The following PALM2AKAP2 variants were observed in gnomAD, a reference collection of about 807,000 sequenced individuals.
PALM2AKAP2 encodes the protein PALM2 and AKAP2 fusion, also known as PALM2-AKAP2 fusion protein.
Under a neutral mutation model 71.5 loss-of-function variants are expected in PALM2AKAP2, and 37 were observed. The observed-to-expected ratio is 0.52, with a 90% confidence interval of 0.40 to 0.68. The LOEUF (loss-of-function observed/expected upper bound fraction) is 0.68, where lower values mean the gene tolerates loss of function less well. Among genes scored for constraint, PALM2AKAP2 ranks in the 30% least tolerant of loss-of-function variants. PALM2AKAP2 has a pLI of 0.00. For missense variants in PALM2AKAP2, 1,224 were observed against 1,191.8 expected, an observed-to-expected ratio of 1.03 and a Z score of -0.40; for synonymous variants, 468 against 478.8, an observed-to-expected ratio of 0.98 and a Z score of 0.29.
At chr9:109,855,885 T>C (rs10816899) in intron 1 of PALM2AKAP2, among the ~76,000 whole-genome samples, 26,034 of 151,984 alleles carry the variant, frequency 0.17, 2,377 homozygotes, top group South Asian at 0.23. Flanking sequence ...GGTAGAAAAT[T>C]ATCATTTTTT....
At chr9:110,023,695 A>G (rs1418560298) in intron 7 of PALM2AKAP2, among the ~76,000 whole-genome samples, 1 of 151,822 alleles carries the variant, frequency 6.6e-6, no homozygotes, top group Non-Finnish European at 1.5e-5. Context: ...ACTCACATCA[A>G]TAACCATAGA....
intron 6 of PALM2AKAP2, chr9:109,944,038 A>G (rs1248091906): frequency 2.0e-5 from 3 of 152,804 alleles, no homozygotes; most frequent in African/African-American, 7.2e-5. Flanking sequence ...AATGAAGTCA[A>G]TGTAGAAGAA....
intron 1 of PALM2AKAP2, among the ~76,000 whole-genome samples, chr9:109,850,221 C>G (rs1468842613): frequency 6.6e-6 from 1 of 152,180 alleles, no homozygotes; most frequent in Non-Finnish European, 1.5e-5. Flanking sequence ...TTTTTCTCAG[C>G]TCTCACCAGG....
In PALM2AKAP2 at chr9:110,077,384, C is replaced by T. The variant is rs74494502; in HGVS notation, c.156+28529C>T. Among the ~76,000 whole-genome samples the T allele has an allele frequency of 8.0e-3, 1,212 of 152,284 alleles. 10 individuals are homozygous for T. Among genetic ancestry groups the T allele is most frequent in the Non-Finnish European group, 0.014 (934 of 68,014 alleles). The stretch of plus-strand genomic sequence containing the variant: ...ATAGTACATTCATTTCGAGGTTGTA[C>T]ATTGACAGTGAGCAAAACACTTTAA... On this transcript the variant is annotated intron_variant, in intron 1 of 3. Transcript: ENST00000374525.
At chr9:109,906,783 C>T (rs577081551) in intron 3 of PALM2AKAP2, among the ~76,000 whole-genome samples, 1 of 152,284 alleles carries the variant, frequency 6.6e-6, no homozygotes, top group South Asian at 2.1e-4. Flanking sequence ...ATAGCCAATC[C>T]TATCACTGAC....
At chr9:109,744,040 G>T (rs551172754) in intron 1 of PALM2AKAP2, among the ~76,000 whole-genome samples, 4 of 152,294 alleles carry the variant, frequency 2.6e-5, no homozygotes, top group African/African-American at 9.6e-5. Flanking sequence ...ATGAAAATGT[G>T]AAATGGATAA....
intron 1 of PALM2AKAP2, among the ~76,000 whole-genome samples, chr9:110,055,035 C>T (rs895923065): frequency 3.3e-5 from 5 of 152,160 alleles, no homozygotes; most frequent in Admixed American, 2.0e-4. Flanking sequence ...CATTCTCACC[C>T]CTGAAGCACT....
At chr9:109,955,789 T>A (rs1831735039) in intron 6 of PALM2AKAP2, among the ~76,000 whole-genome samples, 1 of 151,834 alleles carries the variant, frequency 6.6e-6, no homozygotes, top group Non-Finnish European at 1.5e-5. Flanking sequence ...ACAACAAAAT[T>A]AGCTGGGTGT....
At chr9:110,012,333 T>C (rs1832899382) in intron 6 of PALM2AKAP2, among the ~76,000 whole-genome samples, 1 of 152,180 alleles carries the variant, frequency 6.6e-6, no homozygotes, top group African/African-American at 2.4e-5. Flanking sequence ...AGTATTTTTT[T>C]ATTACCCCCT....
At chr9:110,098,043 C>T (rs1179672101) in intron 1 of PALM2AKAP2, among the ~76,000 whole-genome samples, 11 of 141,138 alleles carry the variant, frequency 7.8e-5, no homozygotes, top group African/African-American at 3.0e-4. Flanking sequence ...TGCCTGCAAT[C>T]GCAGGCACTC....
At chr9:109,781,449 A>C (rs1188389358) in intron 1 of PALM2AKAP2, among the ~76,000 whole-genome samples, 1 of 152,262 alleles carries the variant, frequency 6.6e-6, no homozygotes, top group African/African-American at 2.4e-5. Flanking sequence ...ATCTCCAGAC[A>C]TTCTTCCACC....
chr9:109,868,552 G>C (rs772677371), intron 2 of PALM2AKAP2, among the ~76,000 whole-genome samples: 9 of 152,128 alleles, frequency 5.9e-5, no homozygotes, highest in Non-Finnish European at 1.2e-4. Flanking sequence ...TTTTCAACAA[G>C]ATAAACCTTT....
chr9:110,050,025 G>A (rs1350022141), intron 1 of PALM2AKAP2, among the ~76,000 whole-genome samples: 2 of 152,248 alleles, frequency 1.3e-5, no homozygotes, highest in Admixed American at 6.5e-5. Flanking sequence ...GGTAGCATGG[G>A]TTTGGCTCTG....
At chr9:109,990,055 TTTTC>T (rs1427698092) in intron 6 of PALM2AKAP2, among the ~76,000 whole-genome samples, 7 of 149,946 alleles carry the variant, frequency 4.7e-5, no homozygotes, top group South Asian at 4.2e-4. Context: ...CTGTTTTCTT[TTTTC>T]TTTCTTTCTT....
At chr9:109,987,820 T>A (rs115269130) in intron 6 of PALM2AKAP2, among the ~76,000 whole-genome samples, 1 of 152,314 alleles carries the variant, frequency 6.6e-6, no homozygotes, top group African/African-American at 2.4e-5. Flanking sequence ...TGCCACAGCA[T>A]AAACATCACC....
intron 1 of PALM2AKAP2, among the ~76,000 whole-genome samples, chr9:109,666,089 C>T (rs1449287041): frequency 6.6e-6 from 1 of 152,228 alleles, no homozygotes; most frequent in African/African-American, 2.4e-5. Flanking sequence ...TCCAGGTAGT[C>T]TGTCATGGCT....
At chr9:109,953,740 C>T (rs1400458216) in intron 6 of PALM2AKAP2, among the ~76,000 whole-genome samples, 7 of 147,822 alleles carry the variant, frequency 4.7e-5, no homozygotes, top group Non-Finnish European at 1.0e-4. Flanking sequence ...GAGGCTGAGG[C>T]CGGAGAATTG....
chr9:109,750,757 T>C (rs1275466769), intron 1 of PALM2AKAP2, among the ~76,000 whole-genome samples: 3 of 152,178 alleles, frequency 2.0e-5, no homozygotes, highest in Admixed American at 6.5e-5. Context: ...ATTGTTACCA[T>C]GAAGAAATTT....
intron 4 of PALM2AKAP2, 131 bp from the exon 5 acceptor site, chr9:109,924,930 C>A: frequency 2.3e-6 from 3 of 1,300,110 alleles, no homozygotes; most frequent in Non-Finnish European, 3.2e-6. Context: ...GAGATCGTTG[C>A]GTTTCCCCAG....
Sources: gnomAD v4.1 joint callset for allele counts (sites outside exome capture counted in the v4.1 genomes callset) on GRCh38, gnomAD v4.1.1 for gene constraint, MANE v1.5 for transcripts, NCBI Gene and HGNC (gene_info 2026-07-23, HGNC 2026-07-21) for gene names.